The following SLC24A3 variants were observed in gnomAD, a reference collection of about 807,000 sequenced individuals.
SLC24A3 encodes the protein solute carrier family 24 member 3, also known as sodium/potassium/calcium exchanger 3.
Under a neutral mutation model 75.8 loss-of-function variants are expected in SLC24A3, and 28 were observed. That is an observed-to-expected ratio of 0.37 (90% confidence interval 0.27 to 0.51). The LOEUF (loss-of-function observed/expected upper bound fraction) is 0.51. Ranked by LOEUF, SLC24A3 falls within the 20% of genes least tolerant of loss-of-function variation. The pLI is 0.94. For synonymous variants in SLC24A3, 372 were observed against 334.1 expected, an observed-to-expected ratio of 1.11 and a Z score of -1.24; for missense variants, 663 against 847.8, an observed-to-expected ratio of 0.78 and a Z score of 2.71.
Position 19,711,636 on chromosome 20 carries a change from A to C in SLC24A3, c.1720-5892A>C, listed in dbSNP as rs145489406. Among the ~76,000 whole-genome samples, 233 of 152,070 alleles carry C rather than the reference A, an allele frequency of 1.5e-3. 1 individual carries two copies. Among genetic ancestry groups the C allele is most frequent in the African/African-American group, 5.2e-3 (217 of 41,528 alleles). On this transcript the variant is annotated intron_variant, in intron 15 of 16. Transcript: ENST00000328041. ...CACCCATGCTCAGAATCACCAGCAG[A>C]TGCTTTTTTCTTTTTTTTTTTTCGA...
intron 6 of SLC24A3, among the ~76,000 whole-genome samples, chr20:19,631,164 T>G (rs2031928159): frequency 6.6e-6 from 1 of 151,972 alleles, no homozygotes; most frequent in Non-Finnish European, 1.5e-5. Flanking sequence ...GGCAACATGG[T>G]GAAACACTGT....
chr20:19,616,447 C>T (rs1179860297), intron 6 of SLC24A3, among the ~76,000 whole-genome samples: 2 of 152,232 alleles, frequency 1.3e-5, no homozygotes, highest in Non-Finnish European at 2.9e-5. Context: ...CTCACAAACA[C>T]TTAGGCAGGG....
At chr20:19,718,305 G>T (rs941157226) in intron 16 of SLC24A3, among the ~76,000 whole-genome samples, 1 of 152,206 alleles carries the variant, frequency 6.6e-6, no homozygotes, top group Non-Finnish European at 1.5e-5. Flanking sequence ...TGAATGTCAA[G>T]ATTTCACCAA....
At chr20:19,475,261 C>A (rs958717186) in intron 2 of SLC24A3, among the ~76,000 whole-genome samples, 3 of 151,918 alleles carry the variant, frequency 2.0e-5, no homozygotes, top group African/African-American at 7.3e-5. Flanking sequence ...ATGGCATGAA[C>A]CAGGGAGGTG....
At chr20:19,664,574 G>A (rs537511851) in intron 7 of SLC24A3, among the ~76,000 whole-genome samples, 1 of 152,170 alleles carries the variant, frequency 6.6e-6, no homozygotes, top group Non-Finnish European at 1.5e-5. Flanking sequence ...TGTTCTCTAC[G>A]TCTCTACCCA....
intron 6 of SLC24A3, among the ~76,000 whole-genome samples, chr20:19,636,002 TGGTGGC>T (rs2031997302): frequency 6.6e-6 from 1 of 152,002 alleles, no homozygotes; most frequent in Admixed American, 6.6e-5. Flanking sequence ...TAGCCAGGCG[TGGTGGC>T]GGGCGCCTGT....
intron 2 of SLC24A3, among the ~76,000 whole-genome samples, chr20:19,465,513 T>C (rs542894908): frequency 5.3e-5 from 8 of 152,142 alleles, no homozygotes; most frequent in Non-Finnish European, 1.0e-4. Context: ...TTATTTAAGA[T>C]GCTTCCTGCA....
At chr20:19,678,410 G>A (rs1600335514) in intron 9 of SLC24A3, among the ~76,000 whole-genome samples, 1 of 134,528 alleles carries the variant, frequency 7.4e-6, no homozygotes, top group Non-Finnish European at 1.6e-5. Context: ...CAGTAGGGAC[G>A]GCCAGGCAGA....
chr20:19,383,491 T>A (rs1986219881), intron 2 of SLC24A3, among the ~76,000 whole-genome samples: 1 of 152,160 alleles, frequency 6.6e-6, no homozygotes, highest in African/African-American at 2.4e-5. Context: ...TACTCCTGCC[T>A]ATGTTCTGTG....
At chr20:19,302,621 G>T (rs1984221287) in intron 2 of SLC24A3, among the ~76,000 whole-genome samples, 1 of 152,112 alleles carries the variant, frequency 6.6e-6, no homozygotes, top group Non-Finnish European at 1.5e-5. Context: ...GGAGTGTCTG[G>T]CCTGTGTTTA....
At chr20:19,215,466 A>G (rs1422062842) in intron 1 of SLC24A3, among the ~76,000 whole-genome samples, 1 of 152,148 alleles carries the variant, frequency 6.6e-6, no homozygotes, top group Non-Finnish European at 1.5e-5. Context: ...GTACCTTCAT[A>G]ATGATCAAAG....
chr20:19,638,708 G>A (rs997140605), intron 6 of SLC24A3, among the ~76,000 whole-genome samples: 3 of 152,234 alleles, frequency 2.0e-5, no homozygotes, highest in African/African-American at 4.8e-5. Context: ...ATAATTAATA[G>A]CTTGCTCAAG....
At chr20:19,450,049 C>G (rs1987454426) in intron 2 of SLC24A3, among the ~76,000 whole-genome samples, 1 of 152,186 alleles carries the variant, frequency 6.6e-6, no homozygotes, top group Admixed American at 6.5e-5. Flanking sequence ...AGAAGATGTG[C>G]ATCACTTTGG....
intron 1 of SLC24A3, among the ~76,000 whole-genome samples, chr20:19,241,040 C>T (rs972615856): frequency 1.3e-5 from 2 of 152,170 alleles, no homozygotes; most frequent in Non-Finnish European, 2.9e-5. Context: ...CAGCCTGTCC[C>T]GGTGAAGAGG....
At chr20:19,263,030 C>G (rs1751470978) in intron 1 of SLC24A3, among the ~76,000 whole-genome samples, 2 of 103,316 alleles carry the variant, frequency 1.9e-5, no homozygotes, top group African/African-American at 3.9e-5. Flanking sequence ...CCCACTCCAG[C>G]CTTTGTGTGT....
chr20:19,348,255 G>A (rs1447807642), intron 2 of SLC24A3, among the ~76,000 whole-genome samples: 1 of 152,214 alleles, frequency 6.6e-6, no homozygotes, highest in Non-Finnish European at 1.5e-5. Flanking sequence ...ATAGGCCCCA[G>A]GAGGATGATT....
At chr20:19,581,180 T>G (rs1263594794) in intron 4 of SLC24A3, among the ~76,000 whole-genome samples, 3 of 152,160 alleles carry the variant, frequency 2.0e-5, no homozygotes, top group Admixed American at 2.0e-4. Flanking sequence ...AAATGCACAG[T>G]GGGCAGGTGT....
intron 2 of SLC24A3, among the ~76,000 whole-genome samples, chr20:19,317,065 G>A (rs1984604107): frequency 6.6e-6 from 1 of 152,040 alleles, no homozygotes; most frequent in South Asian, 2.1e-4. Flanking sequence ...ACAAGCAATG[G>A]GGAAAGGATT....
intron 2 of SLC24A3, among the ~76,000 whole-genome samples, chr20:19,386,405 T>G (rs1986273713): frequency 6.6e-6 from 1 of 152,208 alleles, no homozygotes; most frequent in Non-Finnish European, 1.5e-5. Flanking sequence ...TTTGTATGCC[T>G]TTTTATTTCT....
Sources: gnomAD v4.1 joint callset for allele counts (sites outside exome capture counted in the v4.1 genomes callset) on GRCh38, gnomAD v4.1.1 for gene constraint, MANE v1.5 for transcripts, NCBI Gene and HGNC (gene_info 2026-07-23, HGNC 2026-07-21) for gene names.